The following UCK1 variants were observed in gnomAD, a reference collection of about 807,000 sequenced individuals.
The protein encoded by UCK1 is uridine-cytidine kinase 1.
A neutral mutation model predicts 34.0 loss-of-function variants in UCK1; 20 were observed. That is an observed-to-expected ratio of 0.59 (90% CI 0.41 to 0.86). The LOEUF (loss-of-function observed/expected upper bound fraction) is 0.86, where lower values mean the gene tolerates loss of function less well. UCK1 is among the 40% of genes least tolerant of loss of function. The probability of loss-of-function intolerance (pLI) is 0.00; values close to 1 mark genes in which losing one functional copy is unlikely to be tolerated. For missense variants in UCK1, 343 were observed against 383.6 expected (o/e 0.89, Z 0.88); for synonymous variants, 168 against 155.9 (o/e 1.08, Z -0.58).
At chr9:131,526,181 T>A (rs1011096190) in intron 5 of UCK1, 1 of 688,082 alleles carries the variant, frequency 1.5e-6, no homozygotes, top group Non-Finnish European at 2.4e-6. Flanking sequence ...AAAGTGCAGC[T>A]GAGGCAGCCA....
At chr9:131,526,361 G>T in intron 5 of UCK1, 1 of 1,200,436 alleles carries the variant, frequency 8.3e-7, no homozygotes, top group Non-Finnish European at 1.1e-6. Flanking sequence ...GAATCATGAA[G>T]CTTCTGCAAA....
Position 131,529,541 on chromosome 9 carries a change from G to C in UCK1, c.312C>G (p.Ile104Met), listed in dbSNP as rs370115943. The change falls in exon 3 of 7, where the codon ATC (isoleucine) becomes ATG (methionine). Residue 104 changes from isoleucine to methionine, a missense_variant. Transcript: ENST00000372215. The part of the protein sequence containing the change: ...NDLMHRTLKN[I>M]VEGKTVEVPT... Reference sequence around the variant, plus strand: ...GCACCTCCACCGTTTTGCCCTCCACGATGTTCTTCAGAGTCCTGTGCATCA... The same window carrying C: ...GCACCTCCACCGTTTTGCCCTCCACCATGTTCTTCAGAGTCCTGTGCATCA... The C allele has an allele frequency of 5.0e-6, 8 of 1,614,032 alleles. No homozygotes were observed. In the African/African-American group the frequency reaches 9.3e-5, roughly 19 times the overall value.
rs146550624 is a variant in UCK1, at chr9:131,528,969, G to A, written c.578C>T (p.Pro193Leu). 2.5e-5 allele frequency: 40 copies of A among 1,613,996 alleles called. No homozygotes were observed. Among genetic ancestry groups the A allele is most frequent in the African/African-American group, 5.3e-5 (4 of 74,924 alleles). Residue 193 changes from proline to leucine, a missense_variant, in exon 5 of 7, where the codon CCG (proline) becomes CTG (leucine). By Grantham distance (98) the Pro-to-Leu change is moderately conservative. Coordinates refer to ENST00000372215, the MANE Select transcript of UCK1 (RefSeq NM_031432.5). Reference sequence around the variant, plus strand: ...CGGCAGGCAGAACTCCTCGAAGGCCGGCTTCACGAAGGTGGTGTACTGCGT... The same window carrying A: ...CGGCAGGCAGAACTCCTCGAAGGCCAGCTTCACGAAGGTGGTGTACTGCGT... ...ILTQYTTFVK[P>L]AFEEFCLPTK... is the part of the protein sequence containing the mutation.
chr9:131,527,232 G>A (rs1034581351), intron 5 of UCK1, among the ~76,000 whole-genome samples: 1 of 152,152 alleles, frequency 6.6e-6, no homozygotes, highest in African/African-American at 2.4e-5. Context: ...GGAGCCTGAG[G>A]TGGGAGGATC....
rs554152641 is a variant in UCK1 at position 131,530,819 on chromosome 9, T to G, written c.109-174A>C. 1,681 of 1,211,576 alleles carry G rather than the reference T, an allele frequency of 1.4e-3. 29 individuals carry two copies. In the South Asian group the frequency reaches 0.021, roughly 15 times the overall value. The allele number at this position is 1,211,576 out of a possible 1,614,324, so 75.1% of individuals were successfully genotyped here. On this transcript the variant is annotated intron_variant, in intron 1 of 6. Coordinates refer to ENST00000372215, the MANE Select transcript of UCK1 (RefSeq NM_031432.5). Reference sequence around the variant, plus strand: ...AAGGGCCGCGGGGGCCCAACGGGGTTAGCACGGACTTGGGGCTCCGAGGAG... The same window carrying G: ...AAGGGCCGCGGGGGCCCAACGGGGTGAGCACGGACTTGGGGCTCCGAGGAG...
chr9:131,531,162 C>G lies in UCK1; in HGVS notation c.13G>C (p.Gly5Arg). 1.4e-6 allele frequency: 2 copies of G among 1,424,374 alleles called. No homozygotes were observed. The highest frequency in any genetic ancestry group is 1.8e-6 in the Non-Finnish European group (2 of 1,089,952). 88.2% of individuals were successfully genotyped at this position (1,424,374 alleles called of 1,614,324 possible). The change falls in exon 1 of 7, where the codon GGA becomes CGA. Residue 5 changes from glycine (G) to arginine (R), a missense_variant. Physicochemically the swap from Gly to Arg is moderately radical, Grantham distance 125. Transcript: ENST00000372215. ...GCGGGGCTCTCGCAGTCTTCGCCTC[C>G]CGCCGAAGCCATCTCGGCCTCCGCT... MASA[G>R]GEDCESPAPE...
chr9:131,528,989 C>T lies in UCK1; in HGVS notation c.558G>A (p.Gln186=), dbSNP rs760655252. The T allele has an allele frequency of 1.2e-5, 20 of 1,614,066 alleles. No individual in the cohort carries two copies. The East Asian group carries it at 4.0e-4, about 32-fold the overall frequency. The part of the protein sequence containing the change: ...RGRDLEQILT[Q]YTTFVKPAFE... ...AGGCCGGCTTCACGAAGGTGGTGTA[C>T]TGCGTCAGAATCTGCTCCAGGTCCC... Residue 186 remains glutamine (Q), a synonymous_variant, in exon 5 of 7, where the codon CAG becomes CAA. Transcript: ENST00000372215.
rs1950791241 is a variant in UCK1, at chr9:131,530,502, G to T, written c.252C>A (p.Tyr84Ter). The change falls in exon 2 of 7, where the codon TAC becomes TAA. Residue 84 changes from tyrosine to a stop codon, truncating the protein, a stop_gained. Coordinates refer to ENST00000372215, the MANE Select transcript of UCK1 (RefSeq NM_031432.5). LOFTEE classifies it high-confidence loss of function. ...GCGATTTACCTGGATGGTCAAAATT[G>T]TACTGTCCTTTCAAGGCCTTGGCCT... Reference protein sequence around the residue: ...EQKAKALKGQYNFDHPDAFDN... With the variant: ...EQKAKALKGQ 7 of 1,614,230 alleles carry T rather than the reference G, an allele frequency of 4.3e-6. No homozygotes were observed. Among genetic ancestry groups the T allele is most frequent in the Non-Finnish European group, 5.9e-6 (7 of 1,180,040 alleles).
Position 131,531,122 on chromosome 9 carries a change from C to T in UCK1, c.53G>A (p.Arg18His). 1.4e-6 allele frequency: 2 copies of T among 1,451,902 alleles called. No homozygotes were observed. Among genetic ancestry groups the T allele is most frequent in the Admixed American group, 2.7e-5 (1 of 37,648 alleles). 89.9% of individuals were successfully genotyped at this position (1,451,902 alleles called of 1,614,324 possible). The change falls in exon 1 of 7, where the codon CGT (arginine) becomes CAT (histidine). Residue 18 changes from arginine (R) to histidine (H), a missense_variant. Transcript: ENST00000372215. Reference sequence around the variant, plus strand: ...TATCAGGAAGGGCCGCTGGTGCGGACGGTCGGCCTCCGGCGCGGGGCTCTC... The same window carrying T: ...TATCAGGAAGGGCCGCTGGTGCGGATGGTCGGCCTCCGGCGCGGGGCTCTC... ...DCESPAPEAD[R>H]PHQRPFLIGV... is the part of the protein sequence containing the mutation.
chr9:131,525,155 C>T lies in UCK1; in HGVS notation c.719G>A (p.Arg240Gln), dbSNP rs368165696. The change falls in exon 7 of 7, where the codon CGA (arginine) becomes CAA (glutamine). Residue 240 changes from arginine to glutamine, a missense_variant. By Grantham distance (43) the Arg-to-Gln change is conservative. Transcript: ENST00000372215. Reference protein sequence around the residue: ...ILNGDICKWHRGGSNGRSYKR... With the variant: ...ILNGDICKWHQGGSNGRSYKR... ...GTAGCTCCGCCCATTGGACCCTCCTCGGTGCCATTTGCAGATGTCACCATT... is the reference window on the plus strand; with the variant it reads ...GTAGCTCCGCCCATTGGACCCTCCTTGGTGCCATTTGCAGATGTCACCATT... The T allele has an allele frequency of 3.7e-5, 59 of 1,614,162 alleles. No homozygotes were observed. The highest frequency in any genetic ancestry group is 9.3e-5 in the African/African-American group (7 of 75,074).
intron 5 of UCK1, among the ~76,000 whole-genome samples, chr9:131,527,251 G>A (rs779409368): frequency 2.6e-5 from 4 of 151,686 alleles, no homozygotes; most frequent in African/African-American, 9.7e-5. Context: ...TCACTTGAGA[G>A]TGGAAGGTGG....
At chr9:131,530,808 CCCAACGGGGTTA>C (rs1295587106) in intron 1 of UCK1, 163 bp from the exon 2 acceptor site, 7 of 1,310,752 alleles carry the variant, frequency 5.3e-6, no homozygotes, top group Non-Finnish European at 7.4e-6. Context: ...GCCGCGGGGG[CCCAACGGGGTTA>C]GCACGGACTT....
intron 5 of UCK1, chr9:131,526,362 C>T (rs1343157476): frequency 8.3e-7 from 1 of 1,209,210 alleles, no homozygotes; most frequent in African/African-American, 1.5e-5. Context: ...AATCATGAAG[C>T]TTCTGCAAAT....
At chr9:131,528,720 T>C in intron 5 of UCK1, 1 of 589,912 alleles carries the variant, frequency 1.7e-6, no homozygotes. Context: ...CCAGTGTGAA[T>C]GTGGGGGAGA....
At chr9:131,526,519 A>G (rs1477024483) in intron 5 of UCK1, 1 of 1,289,310 alleles carries the variant, frequency 7.8e-7, no homozygotes, top group Non-Finnish European at 1.0e-6. Flanking sequence ...GAGGAAGGAC[A>G]AGGATGGAGA....
chr9:131,527,556 CA>C (rs147790261), intron 5 of UCK1, among the ~76,000 whole-genome samples: 7 of 148,080 alleles, frequency 4.7e-5, no homozygotes, highest in East Asian at 2.0e-4. Context: ...AGCATGAATG[CA>C]AAAAAAAACA....
In UCK1 at chr9:131,528,173, C is replaced by CAA. The variant is rs5900943; in HGVS notation, c.603+769_603+770dup. Among the ~76,000 whole-genome samples, 1,216 of 146,874 alleles carry CAA rather than the reference C, an allele frequency of 8.3e-3. 12 individuals are homozygous for CAA. Among genetic ancestry groups the CAA allele is most frequent in the Middle Eastern group, 0.022 (6 of 278 alleles). ...TAGACGACAAAAAGAGACCCTATCT[C>CAA]AAAAAAAAAAAAAGCAGCAGATAGA... is the stretch of plus-strand genomic sequence containing the variant. On this transcript the variant is annotated intron_variant, in intron 5 of 6. Coordinates refer to ENST00000372215, the MANE Select transcript of UCK1 (RefSeq NM_031432.5).
rs1950836506 is a variant in UCK1, at chr9:131,531,243, GC to G, written c.-70del. The G allele has an allele frequency of 7.8e-7, 1 of 1,289,064 alleles. No individual in the cohort carries two copies. The highest frequency in any genetic ancestry group is 1.7e-5 in the African/African-American group (1 of 59,950). The allele number at this position is 1,289,064 out of a possible 1,614,324, so 79.9% of individuals were successfully genotyped here. A position where few individuals can be genotyped will look rare whatever the true frequency, so the allele number is the denominator to read the frequency against. On this transcript the variant is annotated 5_prime_UTR_variant, in exon 1 of 7. Coordinates refer to ENST00000372215, the MANE Select transcript of UCK1 (RefSeq NM_031432.5). ...TCCCCAGGCCCGGCGCGCCCGCCCA[GC>G]GCCGAGGTCGGAGGCAACCGGAGCG...
chr9:131,530,943 T>G, intron 1 of UCK1, 124 bp downstream of exon 1: 1 of 984,376 alleles, frequency 1.0e-6, no homozygotes, highest in Non-Finnish European at 1.4e-6. Flanking sequence ...TGCAGCCCCT[T>G]CGCTCCCGCG....
Sources: gnomAD v4.1 joint callset for allele counts (sites outside exome capture counted in the v4.1 genomes callset) on GRCh38, gnomAD v4.1.1 for gene constraint, MANE v1.5 for transcripts, NCBI Gene and HGNC (gene_info 2026-07-23, HGNC 2026-07-21) for gene names.